The following MAD1L1 variants were observed in gnomAD, a reference collection of about 807,000 sequenced individuals.
MAD1L1 encodes mitotic spindle assembly checkpoint protein MAD1.
MAD1L1 carries 95 observed loss-of-function variants against 96.9 expected under a neutral mutation model. The ratio of observed to expected loss-of-function variants is 0.98; its 90% confidence interval spans 0.83 to 1.16. The LOEUF (loss-of-function observed/expected upper bound fraction) is 1.16. Ranked by LOEUF, MAD1L1 falls within the 50% of genes most tolerant of loss-of-function variation. The probability of loss-of-function intolerance (pLI) is 0.00; values close to 1 mark genes in which losing one functional copy is unlikely to be tolerated. For missense variants in MAD1L1, 1,007 were observed against 954.4 expected, an observed-to-expected ratio of 1.06 and a Z score of -0.73; for synonymous variants, 473 against 396.6, an observed-to-expected ratio of 1.19 and a Z score of -2.29.
At chr7:1,827,542 G>GCGTCCTCCCCTCCTGAGCCCGTCCC (rs1562431768) in intron 18 of MAD1L1, among the ~76,000 whole-genome samples, 4 of 131,054 alleles carry the variant, frequency 3.1e-5, no homozygotes, top group East Asian at 2.2e-4. Flanking sequence ...CCCGGGTGTG[G>GCGTCCTCCCCTCCTGAGCCCGTCCC]GGGCCTCCCC....
At chr7:2,004,610 G>A (rs973113943) in intron 13 of MAD1L1, among the ~76,000 whole-genome samples, 15 of 152,196 alleles carry the variant, frequency 9.9e-5, no homozygotes, top group South Asian at 6.2e-4. Context: ...CCGTGACCAC[G>A]GTGGCCAGCC....
intron 16 of MAD1L1, among the ~76,000 whole-genome samples, chr7:1,947,408 AT>A (rs1282112859): frequency 6.6e-6 from 1 of 152,218 alleles, no homozygotes; most frequent in African/African-American, 2.4e-5. Flanking sequence ...ACCAGTCCTT[AT>A]GCATATTTAT....
At chr7:2,219,537 G>C (rs940474451) in intron 5 of MAD1L1, 81 bp from the exon 6 acceptor site, 2 of 1,502,194 alleles carry the variant, frequency 1.3e-6, no homozygotes, top group Admixed American at 1.9e-5. Context: ...GATGAGAAGA[G>C]TGGAGAGGCG....
chr7:2,139,997 C>CCCCAG (rs1788949203), intron 11 of MAD1L1, among the ~76,000 whole-genome samples: 1 of 148,868 alleles, frequency 6.7e-6, no homozygotes, highest in Non-Finnish European at 1.5e-5. Context: ...CCCCGCCCCC[C>CCCCAG]CCCAGTCCCT....
At chr7:1,816,785 G>A (rs1237522156) in intron 18 of MAD1L1, among the ~76,000 whole-genome samples, 1 of 152,000 alleles carries the variant, frequency 6.6e-6, no homozygotes, top group Non-Finnish European at 1.5e-5. Context: ...GGGGACACAG[G>A]GCAGGAGTCA....
At chr7:2,051,831 G>C (rs1305630492) in intron 12 of MAD1L1, among the ~76,000 whole-genome samples, 2 of 147,010 alleles carry the variant, frequency 1.4e-5, no homozygotes, top group East Asian at 4.0e-4. Context: ...CCAGCTGCCT[G>C]GGGCCCCTGA....
At chr7:2,184,206 C>T (rs534813043) in intron 10 of MAD1L1, among the ~76,000 whole-genome samples, 59 of 151,912 alleles carry the variant, frequency 3.9e-4, no homozygotes, top group South Asian at 1.0e-3. Flanking sequence ...GAGTGGAGAT[C>T]GCGCCACTGC....
In MAD1L1 at chr7:2,147,225, A is replaced by G. The variant is rs1335983680; in HGVS notation, c.1073+1927T>C. Among the ~76,000 whole-genome samples, 3 of 152,152 alleles carry G rather than the reference A, an allele frequency of 2.0e-5. No individual in the cohort carries two copies. The East Asian group carries it at 5.8e-4, about 29-fold the overall frequency. ...ACCAGGTGCCTGCCCAAGTCACATG[A>G]CCAGCAAGGAGCAGACCAGCCGCCC... On this transcript the variant is annotated intron_variant, in intron 11 of 18. Coordinates refer to ENST00000265854, the MANE Select transcript of MAD1L1 (RefSeq NM_001013836.2).
intron 18 of MAD1L1, among the ~76,000 whole-genome samples, chr7:1,894,671 C>T (rs374267668): frequency 1.3e-5 from 2 of 152,076 alleles, no homozygotes; most frequent in African/African-American, 2.4e-5. Context: ...CCAGATGGGG[C>T]GCAGGAAGGT....
chr7:1,917,063 G>T (rs537918470), intron 17 of MAD1L1, among the ~76,000 whole-genome samples: 2 of 152,240 alleles, frequency 1.3e-5, no homozygotes, highest in African/African-American at 4.8e-5. Flanking sequence ...GCTTTTCCAG[G>T]ACAAGGATGC....
At chr7:1,829,106 G>C (rs146503379) in intron 18 of MAD1L1, among the ~76,000 whole-genome samples, 1 of 152,252 alleles carries the variant, frequency 6.6e-6, no homozygotes, top group Non-Finnish European at 1.5e-5. Context: ...ATTGGGCGTG[G>C]GCTGTGGGGC....
rs189879647 is a variant in MAD1L1, at chr7:2,122,859, G to A, written c.1073+26293C>T. 4.6e-5 allele frequency among the ~76,000 whole-genome samples: 7 copies of A among 152,342 alleles called. No homozygotes were observed. The East Asian group carries it at 7.7e-4, about 17-fold the overall frequency. On this transcript the variant is annotated intron_variant, in intron 11 of 18. Coordinates refer to ENST00000265854, the MANE Select transcript of MAD1L1 (RefSeq NM_001013836.2). Reference sequence around the variant, plus strand: ...GAGCTGCACATGTGCAGGCCATGGCGTCAGTGTGGGTGGTGACGGCCGCCG... The same window carrying A: ...GAGCTGCACATGTGCAGGCCATGGCATCAGTGTGGGTGGTGACGGCCGCCG...
chr7:2,005,160 G>A (rs1457893981), intron 13 of MAD1L1, among the ~76,000 whole-genome samples: 1 of 152,182 alleles, frequency 6.6e-6, no homozygotes, highest in Non-Finnish European at 1.5e-5. Flanking sequence ...GACGAGCTGA[G>A]TGCTCCCCAG....
rs534066163 is a variant in MAD1L1, at chr7:1,841,719, G to A, written c.1999-25491C>T. On this transcript the variant is annotated intron_variant, in intron 18 of 18. Transcript: ENST00000265854. ...GGAAGGTGGGCGCTGCTTCCCTCGC[G>A]GGGCAGATGGTCTCGGCCGTCACTC... Among the ~76,000 whole-genome samples the A allele has an allele frequency of 8.5e-5, 13 of 152,332 alleles. No homozygotes were observed. In the South Asian group the frequency reaches 1.5e-3, roughly 17 times the overall value.
chr7:1,816,069 G>C lies in MAD1L1; in HGVS notation c.*1C>G, dbSNP rs1313076745. The C allele has an allele frequency of 6.2e-7, 1 of 1,608,480 alleles. No individual in the cohort carries two copies. The highest frequency in any genetic ancestry group is 2.2e-5 in the East Asian group (1 of 44,774). ...TCCGGCTATGCCCCCGAGCCTGCAG[G>C]CTACGCCACGGTCTGGCGGCTGAAG... On this transcript the variant is annotated 3_prime_UTR_variant, in exon 19 of 19. Coordinates refer to ENST00000265854, the MANE Select transcript of MAD1L1 (RefSeq NM_001013836.2).
intron 11 of MAD1L1, among the ~76,000 whole-genome samples, chr7:2,101,353 A>G (rs1390919410): frequency 1.0e-5 from 1 of 96,858 alleles, no homozygotes. Context: ...GTCTCCATCC[A>G]GGTGGGTGGC....
intron 18 of MAD1L1, among the ~76,000 whole-genome samples, chr7:1,868,350 C>G (rs964641264): frequency 3.3e-5 from 5 of 152,192 alleles, no homozygotes; most frequent in African/African-American, 1.2e-4. Context: ...GCAGCGTGGA[C>G]TTCCATGGCT....
chr7:2,186,957 C>A (rs985073810), intron 10 of MAD1L1, among the ~76,000 whole-genome samples: 2 of 151,930 alleles, frequency 1.3e-5, no homozygotes, highest in African/African-American at 2.4e-5. Flanking sequence ...CCACGCCCGG[C>A]GAATTTTTTA....
intron 12 of MAD1L1, among the ~76,000 whole-genome samples, chr7:2,039,846 G>A (rs1179672438): frequency 1.3e-5 from 2 of 151,682 alleles, no homozygotes; most frequent in African/African-American, 4.9e-5. Context: ...ACTTTCACGG[G>A]GCAAAAATTT....
Sources: gnomAD v4.1 joint callset for allele counts (sites outside exome capture counted in the v4.1 genomes callset) on GRCh38, gnomAD v4.1.1 for gene constraint, MANE v1.5 for transcripts, NCBI Gene and HGNC (gene_info 2026-07-23, HGNC 2026-07-21) for gene names.